DOCK10: variants seen among roughly 807,000 people sequenced by gnomAD.
DOCK10 encodes dedicator of cytokinesis 10, also known as dedicator of cytokinesis protein 10.
Under a neutral mutation model 280.1 loss-of-function variants are expected in DOCK10, and 145 were observed. The ratio of observed to expected loss-of-function variants is 0.52; its 90% CI spans 0.45 to 0.59. DOCK10 has a LOEUF of 0.59. Ranked by LOEUF, DOCK10 falls within the 20% of genes least tolerant of loss-of-function variation. DOCK10 has a pLI of 0.00. For synonymous variants in DOCK10, 915 were observed against 942.2 expected (o/e 0.97, Z 0.53); for missense variants, 2,368 against 2,651.7 (o/e 0.89, Z 2.35).
chr2:224,824,531 A>G (rs1166333837), intron 27 of DOCK10, among the ~76,000 whole-genome samples: 2 of 139,720 alleles, frequency 1.4e-5, no homozygotes, highest in Non-Finnish European at 3.0e-5. Context: ...CTACCTCCTC[A>G]GTTTAAGTAA....
chr2:224,928,205 T>G (rs1259604057), intron 2 of DOCK10, among the ~76,000 whole-genome samples: 1 of 152,110 alleles, frequency 6.6e-6, no homozygotes, highest in Admixed American at 6.5e-5. Context: ...AGTGTGAGGA[T>G]AAAAACCAAA....
intron 31 of DOCK10, among the ~76,000 whole-genome samples, chr2:224,810,572 G>T (rs1322610982): frequency 6.6e-6 from 1 of 151,282 alleles, no homozygotes; most frequent in Admixed American, 6.6e-5. Context: ...CCATGTTGGT[G>T]TGCTGCACCC....
intron 1 of DOCK10, among the ~76,000 whole-genome samples, chr2:224,999,712 G>GT (rs35668501): frequency 0.065 from 9,323 of 142,650 alleles, 366 homozygotes; most frequent in Middle Eastern, 0.081. Context: ...CTATAATGGT[G>GT]TTTTTTTTTT....
intron 1 of DOCK10, among the ~76,000 whole-genome samples, chr2:225,012,826 T>C (rs1163637310): frequency 6.6e-6 from 1 of 152,146 alleles, no homozygotes; most frequent in East Asian, 1.9e-4. Context: ...AAAAAGAAAA[T>C]TAAAGCCCAG....
chr2:224,961,446 C>CTTTCTT (rs1704421905), intron 1 of DOCK10, among the ~76,000 whole-genome samples: 6 of 130,550 alleles, frequency 4.6e-5, no homozygotes, highest in Admixed American at 8.3e-5. Flanking sequence ...TTCTTTCTTT[C>CTTTCTT]TTTCTTTCTT....
At position 224,765,649 on chromosome 2, in the gene DOCK10, T is replaced by C; in HGVS notation, c.*72A>G. ...GAAAACTTCAAATAAATTAAACCTATCTTTCTCTTCCCCGAGATTAGCTGC... is the reference window on the plus strand; with the variant it reads ...GAAAACTTCAAATAAATTAAACCTACCTTTCTCTTCCCCGAGATTAGCTGC... On this transcript the variant is annotated 3_prime_UTR_variant, in exon 56 of 56. Transcript: ENST00000258390. The C allele has an allele frequency of 9.3e-7, 1 of 1,072,170 alleles. No homozygotes were observed. The highest frequency in any genetic ancestry group is 1.4e-6 in the Non-Finnish European group (1 of 727,876). 66.4% of individuals were successfully genotyped at this position (1,072,170 alleles called of 1,614,324 possible).
chr2:224,917,084 C>T (rs58703989), intron 2 of DOCK10, among the ~76,000 whole-genome samples: 1 of 133,750 alleles, frequency 7.5e-6, no homozygotes, highest in Non-Finnish European at 1.6e-5. Flanking sequence ...TTCAATTTAG[C>T]TGATTTCTAT....
rs548543409 is a variant in DOCK10 at position 224,793,933 on chromosome 2, C to A, written c.5155-476G>T. 3.3e-5 allele frequency among the ~76,000 whole-genome samples: 5 copies of A among 152,180 alleles called. No individual in the cohort carries two copies. The East Asian group carries it at 9.6e-4, about 29-fold the overall frequency. ...GAGTACTTGATTGACTAGTGTGACA[C>A]AATGTAACACCCGTGCTCCCCACAA... is the stretch of plus-strand genomic sequence containing the variant. On this transcript the variant is annotated intron_variant, in intron 45 of 55. Coordinates refer to ENST00000258390, the MANE Select transcript of DOCK10 (RefSeq NM_014689.3).
At chr2:225,002,430 G>A (rs545031444) in intron 1 of DOCK10, among the ~76,000 whole-genome samples, 2 of 152,258 alleles carry the variant, frequency 1.3e-5, no homozygotes, top group Admixed American at 6.5e-5. Flanking sequence ...ATGACAACAC[G>A]GCTTTCTCAG....
chr2:224,908,866 A>C (rs1700834458), intron 3 of DOCK10, among the ~76,000 whole-genome samples: 1 of 152,140 alleles, frequency 6.6e-6, no homozygotes. Context: ...TCAAAATGAG[A>C]CTTGGATGAA....
At chr2:224,983,102 A>T (rs1486333850) in intron 1 of DOCK10, among the ~76,000 whole-genome samples, 1 of 152,202 alleles carries the variant, frequency 6.6e-6, no homozygotes, top group East Asian at 1.9e-4. Flanking sequence ...AGGGCTGAAA[A>T]TATCTCTATT....
chr2:224,890,141 C>T (rs1026111877), intron 4 of DOCK10, among the ~76,000 whole-genome samples: 5 of 152,184 alleles, frequency 3.3e-5, no homozygotes, highest in African/African-American at 1.2e-4. Context: ...TTTCATTTGA[C>T]CTTGATGCAA....
chr2:225,014,192 G>T (rs1689529914), intron 1 of DOCK10, among the ~76,000 whole-genome samples: 1 of 146,632 alleles, frequency 6.8e-6, no homozygotes. Context: ...GATTTTTAAA[G>T]CCACATTTTG....
intron 31 of DOCK10, among the ~76,000 whole-genome samples, chr2:224,808,816 C>T (rs1693576334): frequency 6.6e-6 from 1 of 151,254 alleles, no homozygotes; most frequent in Non-Finnish European, 1.5e-5. Flanking sequence ...TATGGTGTGG[C>T]AGGGTGTAAA....
chr2:224,828,105 G>A (rs1694987908), intron 27 of DOCK10, among the ~76,000 whole-genome samples: 1 of 152,158 alleles, frequency 6.6e-6, no homozygotes, highest in Non-Finnish European at 1.5e-5. Flanking sequence ...TGGTGATCAG[G>A]GCAATACCTG....
chr2:225,018,241 TG>T (rs1575168082), intron 1 of DOCK10, among the ~76,000 whole-genome samples: 2 of 152,028 alleles, frequency 1.3e-5, no homozygotes, highest in East Asian at 3.8e-4. Context: ...GTACCAACTA[TG>T]GGACTAAATG....
intron 7 of DOCK10, among the ~76,000 whole-genome samples, chr2:224,881,729 G>T (rs550335653): frequency 1.3e-4 from 20 of 152,058 alleles, no homozygotes; most frequent in Non-Finnish European, 2.6e-4. Context: ...GTATAATTTT[G>T]GTTCTTATTG....
chr2:224,911,153 A>G (rs1170927279), intron 3 of DOCK10, among the ~76,000 whole-genome samples: 1 of 152,168 alleles, frequency 6.6e-6, no homozygotes, highest in African/African-American at 2.4e-5. Context: ...AGCAGTTCTT[A>G]GAGAAGTAAG....
chr2:224,885,437 A>G (rs1444528437), intron 7 of DOCK10, among the ~76,000 whole-genome samples: 1 of 152,128 alleles, frequency 6.6e-6, no homozygotes, highest in Non-Finnish European at 1.5e-5. Context: ...TTCTTTATTG[A>G]AAAATTTACC....
Sources: gnomAD v4.1 joint callset for allele counts (sites outside exome capture counted in the v4.1 genomes callset) on GRCh38, gnomAD v4.1.1 for gene constraint, MANE v1.5 for transcripts, NCBI Gene and HGNC (gene_info 2026-07-23, HGNC 2026-07-21) for gene names.